The following KIF7 variants were observed in gnomAD, a reference collection of about 807,000 sequenced individuals.
KIF7 encodes the protein kinesin family member 7.
Under a neutral mutation model 135.7 loss-of-function variants are expected in KIF7, and 104 were observed. The observed-to-expected ratio is 0.77, with a 90% confidence interval of 0.65 to 0.90. KIF7 has a LOEUF of 0.90. Ranked by LOEUF, KIF7 falls within the 40% of genes least tolerant of loss-of-function variation. KIF7 has a pLI of 0.00. For missense variants in KIF7, 2,005 were observed against 1,839.1 expected, an observed-to-expected ratio of 1.09 and a Z score of -1.65; for synonymous variants, 883 against 809.4, an observed-to-expected ratio of 1.09 and a Z score of -1.54.
intron 11 of KIF7, among the ~76,000 whole-genome samples, chr15:89,634,154 C>T (rs965765626): frequency 8.5e-5 from 13 of 152,162 alleles, no homozygotes; most frequent in African/African-American, 3.1e-4. Flanking sequence ...CAAAAATTAG[C>T]TGGGTTTGGT....
chr15:89,641,342 C>A (rs1035141363), intron 11 of KIF7, among the ~76,000 whole-genome samples: 3 of 152,116 alleles, frequency 2.0e-5, no homozygotes, highest in African/African-American at 4.8e-5. Flanking sequence ...TGACAGCCTC[C>A]AGAGCTGGGA....
chr15:89,646,872 G>GC lies in KIF7; in HGVS notation c.1745_1746insG (p.Cys583LeufsTer6). Reference sequence around the variant, plus strand: ...AGCCAACTTCATCTCCAGGGAGGCAGGCAGGCGGCACCATGCCCAGCACAT... The same window carrying GC: ...AGCCAACTTCATCTCCAGGGAGGCAGCGCAGGCGGCACCATGCCCAGCACAT... On this transcript the variant is annotated frameshift_variant, in exon 7 of 19. Transcript: ENST00000394412. LOFTEE classifies it high-confidence loss of function. 1 of 1,614,116 alleles carries GC rather than the reference G, an allele frequency of 6.2e-7. No individual in the cohort carries two copies. Among genetic ancestry groups the GC allele is most frequent in the Non-Finnish European group, 8.5e-7 (1 of 1,180,028 alleles).
chr15:89,625,065 G>A, downstream of KIF7: 1 of 1,613,946 alleles, frequency 6.2e-7, no homozygotes, highest in South Asian at 1.1e-5. Flanking sequence ...CTTCATTAGA[G>A]GCTGAGCCCC....
chr15:89,648,878 G>A, intron 4 of KIF7, 96 bp downstream of exon 4: 2 of 1,460,008 alleles, frequency 1.4e-6, no homozygotes, highest in Non-Finnish European at 1.8e-6. Flanking sequence ...GTGGGCTGGA[G>A]ACCTCAGGGG....
In KIF7 at chr15:89,637,633, C is replaced by G. The variant is rs375786256; in HGVS notation, c.2395-3750G>C. Among the ~76,000 whole-genome samples, 107 of 148,748 alleles carry G rather than the reference C, an allele frequency of 7.2e-4. 1 individual carries two copies. The highest frequency in any genetic ancestry group is 9.8e-4 in the Non-Finnish European group (65 of 66,548). On this transcript the variant is annotated intron_variant, in intron 11 of 18. Coordinates refer to ENST00000394412, the MANE Select transcript of KIF7 (RefSeq NM_198525.3). ...AGACTAAACCAGGAAGAAGTTGAAT[C>G]TCTGAATAGACCAATAACAGGAGCT... is the stretch of plus-strand genomic sequence containing the variant.
rs1266575095 is a variant in KIF7 at position 89,652,650 on chromosome 15, C to A, written c.281G>T (p.Gly94Val). 1 of 1,548,894 alleles carries A rather than the reference C, an allele frequency of 6.5e-7. No homozygotes were observed. The highest frequency in any genetic ancestry group is 2.4e-5 in the East Asian group (1 of 40,850). The change falls in exon 2 of 19, where the codon GGT becomes GTT. Residue 94 changes from glycine to valine, a missense_variant. Gly to Val is a moderately radical substitution (Grantham distance 109, BLOSUM62 -3). Coordinates refer to ENST00000394412, the MANE Select transcript of KIF7 (RefSeq NM_198525.3). The stretch of plus-strand genomic sequence containing the variant: ...GTATGTCTTCCCTGAGCCCGTCTGA[C>A]CATAGGCAAAGACAGTGGCATTGAA... ...EGFNATVFAYGQTGSGKTYTM... is the reference protein window; with the variant it reads ...EGFNATVFAYVQTGSGKTYTM...
At position 89,629,406 on chromosome 15, in the gene KIF7, C is replaced by T. The variant is rs185689321; in HGVS notation, c.3486G>A (p.Gln1162=). 5.1e-5 allele frequency: 82 copies of T among 1,604,592 alleles called. No homozygotes were observed. The East Asian group carries it at 1.4e-3, about 27-fold the overall frequency. Residue 1162 remains glutamine, a synonymous_variant, in exon 17 of 19, where the codon CAG becomes CAA. Coordinates refer to ENST00000394412, the MANE Select transcript of KIF7 (RefSeq NM_198525.3). The part of the protein sequence containing the change: ...QLTLQQKEHE[Q]NMQLLLQQSR... ...TCTGCTGCAGGAGCAGCTGCATGTTCTGCTCGTGCTCCTTCTGCTGCAGGG... is the reference window on the plus strand; with the variant it reads ...TCTGCTGCAGGAGCAGCTGCATGTTTTGCTCGTGCTCCTTCTGCTGCAGGG...
chr15:89,649,189 G>A lies in KIF7; in HGVS notation c.708C>T (p.Pro236=), dbSNP rs1318697684. 4 of 1,546,656 alleles carry A rather than the reference G, an allele frequency of 2.6e-6. No homozygotes were observed. Among genetic ancestry groups the A allele is most frequent in the Non-Finnish European group, 2.6e-6 (3 of 1,146,120 alleles). ...EQRGRAPSRL[P]RPAPGQLLVS... ...CGAGCAGCTGGCCCGGGGCGGGGCG[G>A]GGTAGGCGGCTGGGGGCGCGCCCCC... is the stretch of plus-strand genomic sequence containing the variant. The change falls in exon 4 of 19, where the codon CCC becomes CCT. Residue 236 remains proline (P), a synonymous_variant. Transcript: ENST00000394412.
At chr15:89,623,191 G>C (rs1171839121), downstream of KIF7, among the ~76,000 whole-genome samples, 2 of 152,176 alleles carry the variant, frequency 1.3e-5, no homozygotes, top group Non-Finnish European at 2.9e-5. Context: ...ACAGTGCCTG[G>C]CACATAGCAG....
chr15:89,647,720 G>A lies in KIF7; in HGVS notation c.1444-8C>T, dbSNP rs1275192981. ...CTGCGCCCCCTCATCCTCCTATAGGGCAGGGAGAGGGGCTTCAGGGGCGGG... is the reference window on the plus strand; with the variant it reads ...CTGCGCCCCCTCATCCTCCTATAGGACAGGGAGAGGGGCTTCAGGGGCGGG... On this transcript the variant is annotated splice_region_variant and splice_polypyrimidine_tract_variant and intron_variant, in intron 5 of 18. Transcript: ENST00000394412. 8.4e-6 allele frequency: 13 copies of A among 1,554,172 alleles called. No homozygotes were observed. The highest frequency in any genetic ancestry group is 1.1e-5 in the Non-Finnish European group (13 of 1,151,482).
chr15:89,640,916 T>C (rs1433550619), intron 11 of KIF7, among the ~76,000 whole-genome samples: 1 of 151,296 alleles, frequency 6.6e-6, no homozygotes, highest in South Asian at 2.1e-4. Context: ...GGCATAAGGA[T>C]CACTTGAACC....
At chr15:89,633,990 G>C in intron 11 of KIF7, 107 bp from the exon 12 acceptor site, 1 of 1,171,214 alleles carries the variant, frequency 8.5e-7, no homozygotes, top group Non-Finnish European at 1.3e-6. Flanking sequence ...ATGGGTAGGT[G>C]GGTGATAGAC....
chr15:89,640,070 C>T (rs1334959279), intron 11 of KIF7, among the ~76,000 whole-genome samples: 6 of 151,718 alleles, frequency 4.0e-5, no homozygotes, highest in Non-Finnish European at 8.8e-5. Flanking sequence ...CATATTCTCA[C>T]TCACAGGTGG....
intron 11 of KIF7, 65 bp downstream of exon 11, chr15:89,642,138 C>T: frequency 6.5e-7 from 1 of 1,540,344 alleles, no homozygotes. Context: ...TGTCCTGGTC[C>T]CAAGGATGGC....
chr15:89,648,291 G>A lies in KIF7; in HGVS notation c.1407C>T (p.Val469=). 1 of 1,520,888 alleles carries A rather than the reference G, an allele frequency of 6.6e-7. No individual in the cohort carries two copies. The allele number at this position is 1,520,888 out of a possible 1,614,324, so 94.2% of individuals were successfully genotyped here. Residue 469 remains valine (V), a synonymous_variant, in exon 5 of 19, where the codon GTC becomes GTT. Transcript: ENST00000394412. The part of the protein sequence containing the change: ...GPDSGIESAS[V]EDQAAQGAGG... ...CGGCCCCCTGCGCCGCCTGGTCCTCGACGGAGGCGCTCTCGATGCCGCTAT... is the reference window on the plus strand; with the variant it reads ...CGGCCCCCTGCGCCGCCTGGTCCTCAACGGAGGCGCTCTCGATGCCGCTAT...
chr15:89,625,694 A>G (rs1280512100), downstream of KIF7: 1 of 1,613,478 alleles, frequency 6.2e-7, no homozygotes, highest in East Asian at 2.2e-5. Context: ...GACCTGAGAG[A>G]AGATTCAGAA....
chr15:89,618,183 G>A (rs1196647777), exon 2 of KIF7: 3 of 1,614,058 alleles, frequency 1.9e-6, no homozygotes, highest in South Asian at 2.2e-5. Flanking sequence ...TATTGGTGTT[G>A]TTGAAGAGTC....
At position 89,648,720 on chromosome 15, in the gene KIF7, G is replaced by A. The variant is rs555659148; in HGVS notation, c.978C>T (p.Val326=). 1.1e-4 allele frequency: 164 copies of A among 1,536,320 alleles called. No homozygotes were observed. In the South Asian group the frequency reaches 1.7e-3, roughly 16 times the overall value. Residue 326 remains valine (V), a synonymous_variant, in exon 5 of 19, where the codon GTC becomes GTT. Transcript: ENST00000394412. ...CGTCGAAGTCGGAGGAGGAAGGGCT[G>A]ACGCAGGCGATCATCACCGTCTTGG... ...GNAKTVMIAC[V]SPSSSDFDET...
chr15:89,642,229 C>T lies in KIF7; in HGVS notation c.2368G>A (p.Val790Ile), dbSNP rs929788182. 2 of 1,610,450 alleles carry T rather than the reference C, an allele frequency of 1.2e-6. No homozygotes were observed. Among genetic ancestry groups the T allele is most frequent in the Non-Finnish European group, 1.7e-6 (2 of 1,179,672 alleles). Residue 790 changes from valine to isoleucine, a missense_variant, in exon 11 of 19, where the codon GTC (valine) becomes ATC (isoleucine). Val to Ile is a conservative substitution (Grantham distance 29). Transcript: ENST00000394412. ...TGCACCTGGCTCTGGGCCGCAGCGA[C>T]CCTCCTGCGGAACTCCTGGAGCCGA... ...RSRLQEFRRR[V>I]AAAQSQVQVL...
Sources: gnomAD v4.1 joint callset for allele counts (sites outside exome capture counted in the v4.1 genomes callset) on GRCh38, gnomAD v4.1.1 for gene constraint, MANE v1.5 for transcripts, NCBI Gene and HGNC (gene_info 2026-07-23, HGNC 2026-07-21) for gene names.